The following MRAP2 variants were observed in gnomAD, a reference collection of about 807,000 sequenced individuals.
MRAP2 encodes the protein melanocortin 2 receptor accessory protein 2, also known as melanocortin-2 receptor accessory protein 2.
In MRAP2, 20 loss-of-function variants were observed where a neutral mutation model predicts 17.4. The observed-to-expected ratio is 1.15, with a 90% confidence interval of 0.81 to 1.67. The LOEUF is 1.67. Ranked by LOEUF, MRAP2 falls within the 40% of genes most tolerant of loss-of-function variation. The probability of loss-of-function intolerance (pLI) is 0.00; values close to 1 mark genes in which losing one functional copy is unlikely to be tolerated. For missense variants in MRAP2, 238 were observed against 240.0 expected (o/e 0.99, Z 0.05); for synonymous variants, 96 against 88.4 (o/e 1.09, Z -0.48).
At chr6:84,094,648 A>G (rs534335916), downstream of MRAP2, among the ~76,000 whole-genome samples, 17 of 152,222 alleles carry the variant, frequency 1.1e-4, no homozygotes, top group Admixed American at 1.3e-4. Context: ...TTTAGTATCC[A>G]TATTTCTACC....
intron 1 of MRAP2, among the ~76,000 whole-genome samples, chr6:84,037,390 T>G (rs1462261090): frequency 6.6e-6 from 1 of 152,240 alleles, no homozygotes; most frequent in Admixed American, 6.5e-5. Flanking sequence ...AGTCCCCACC[T>G]GATTCAGGAG....
chr6:84,066,771 C>CT (rs531921485), intron 3 of MRAP2, among the ~76,000 whole-genome samples: 4 of 152,184 alleles, frequency 2.6e-5, no homozygotes, highest in Admixed American at 6.5e-5. Context: ...AAACCTCAAA[C>CT]TAAAGTCTCT....
At chr6:84,112,508 G>T in the MRAP2 span, among the ~76,000 whole-genome samples, 723 of 151,880 alleles carry the variant, frequency 4.8e-3, 7 homozygotes, top group South Asian at 0.058. Flanking sequence ...TTCTTTATTA[G>T]TCTGGCTAGC....
intron 1 of MRAP2, among the ~76,000 whole-genome samples, chr6:84,038,724 G>T (rs965074588): frequency 6.6e-6 from 1 of 152,132 alleles, no homozygotes; most frequent in East Asian, 1.9e-4. Context: ...TGCATTCCTG[G>T]GCTCAAGTGA....
At chr6:84,097,459 T>C in the MRAP2 span, among the ~76,000 whole-genome samples, 1 of 152,200 alleles carries the variant, frequency 6.6e-6, no homozygotes, top group Non-Finnish European at 1.5e-5. Flanking sequence ...AAAGTTTTAT[T>C]TAAGAGGGAT....
chr6:84,142,195 T>C, the MRAP2 span, among the ~76,000 whole-genome samples: 32 of 152,268 alleles, frequency 2.1e-4, no homozygotes, highest in Admixed American at 1.9e-3. Context: ...AAATGAAAAA[T>C]TTTAAGTCTT....
chr6:84,093,758 G>A (rs1415855696), downstream of MRAP2, among the ~76,000 whole-genome samples: 5 of 152,210 alleles, frequency 3.3e-5, no homozygotes, highest in African/African-American at 9.6e-5. Context: ...ACCCCTGGTA[G>A]TGACTTAGTG....
intron 1 of MRAP2, among the ~76,000 whole-genome samples, chr6:84,036,997 A>T (rs1290028524): frequency 6.6e-6 from 1 of 152,096 alleles, no homozygotes; most frequent in Non-Finnish European, 1.5e-5. Context: ...ACAAACCTTG[A>T]GCTAGACACA....
the MRAP2 span, among the ~76,000 whole-genome samples, chr6:84,144,019 A>T: frequency 0.039 from 5,864 of 152,080 alleles, 195 homozygotes; most frequent in African/African-American, 0.095. Flanking sequence ...GTATTGTTTC[A>T]TAATGACCTG....
At chr6:84,062,332 C>G (rs1485103443) in intron 2 of MRAP2, among the ~76,000 whole-genome samples, 1 of 152,176 alleles carries the variant, frequency 6.6e-6, no homozygotes, top group Non-Finnish European at 1.5e-5. Context: ...GTTTCCGTAC[C>G]TTGCTTCTTT....
At position 84,083,336 on chromosome 6, in the gene MRAP2, T is replaced by C. The variant is rs547877667; in HGVS notation, c.228-5755T>C. Among the ~76,000 whole-genome samples, 111 of 152,344 alleles carry C rather than the reference T, an allele frequency of 7.3e-4. No homozygotes were observed. In the Middle Eastern group the frequency reaches 0.01, roughly 14 times the overall value. The stretch of plus-strand genomic sequence containing the variant: ...CTGAGATATTAGACAAAGCTAGTCA[T>C]CATTTTAAGTTATTTCCCTTTTGAT... On this transcript the variant is annotated intron_variant, in intron 3 of 3. Coordinates refer to ENST00000257776, the MANE Select transcript of MRAP2 (RefSeq NM_138409.4).
chr6:84,099,726 C>T, the MRAP2 span, among the ~76,000 whole-genome samples: 1 of 152,212 alleles, frequency 6.6e-6, no homozygotes, highest in African/African-American at 2.4e-5. Context: ...GCTGGTGCCA[C>T]ACTTGTGCAG....
chr6:84,092,802 G>GA (rs1302995819), downstream of MRAP2, among the ~76,000 whole-genome samples: 1 of 151,874 alleles, frequency 6.6e-6, no homozygotes, highest in Non-Finnish European at 1.5e-5. Context: ...CCATTTGGTT[G>GA]AAAAAAAATC....
At chr6:84,058,362 G>C (rs1286985858) in intron 2 of MRAP2, among the ~76,000 whole-genome samples, 1 of 152,232 alleles carries the variant, frequency 6.6e-6, no homozygotes, top group Non-Finnish European at 1.5e-5. Flanking sequence ...TGGATTGGCG[G>C]TATGTGTAAG....
chr6:84,075,557 C>T (rs939385041), intron 3 of MRAP2, among the ~76,000 whole-genome samples: 4 of 152,180 alleles, frequency 2.6e-5, no homozygotes, highest in Non-Finnish European at 1.5e-5. Flanking sequence ...ACTCTGCATG[C>T]TGTCTTGTTA....
chr6:84,044,515 T>C (rs2099488478), intron 1 of MRAP2, among the ~76,000 whole-genome samples: 1 of 152,200 alleles, frequency 6.6e-6, no homozygotes, highest in Non-Finnish European at 1.5e-5. Flanking sequence ...CACATGTAGG[T>C]TTCCTCTGAT....
chr6:84,054,726 ACT>A (rs2099491276), intron 1 of MRAP2, among the ~76,000 whole-genome samples: 1 of 152,004 alleles, frequency 6.6e-6, no homozygotes, highest in African/African-American at 2.4e-5. Context: ...TTCTTACAGA[ACT>A]CTCTGTCCTC....
Position 84,089,684 on chromosome 6 carries a change from T to G in MRAP2, c.*203T>G. 1 of 590,766 alleles carries G rather than the reference T, an allele frequency of 1.7e-6. No homozygotes were observed. The highest frequency in any genetic ancestry group is 2.8e-5 in the East Asian group (1 of 35,628). The allele number at this position is 590,766 out of a possible 1,614,324, so 36.6% of individuals were successfully genotyped here. On this transcript the variant is annotated 3_prime_UTR_variant, in exon 4 of 4. Transcript: ENST00000257776. ...TTTGTTTTGTTTTGTTTTTGCTTTT[T>G]AATACATTTGGAGCTTTGGGAGTAT...
the MRAP2 span, among the ~76,000 whole-genome samples, chr6:84,117,954 A>G: frequency 1.3e-5 from 2 of 152,166 alleles, no homozygotes; most frequent in African/African-American, 4.8e-5. Flanking sequence ...GTTAGGAGGA[A>G]CGGGATCAGG....
Sources: allele counts gnomAD v4.1 joint callset (sites outside exome capture counted in the v4.1 genomes callset), GRCh38; gene constraint gnomAD v4.1.1; transcripts MANE v1.5; gene names NCBI Gene and HGNC (gene_info 2026-07-23, HGNC 2026-07-21).